Variants in EML1 observed in about 807,000 individuals in gnomAD.
EML1 encodes the protein EMAP like 1, also known as echinoderm microtubule-associated protein-like 1.
EML1 carries 27 observed loss-of-function variants against 110.4 expected under a neutral mutation model. The ratio of observed to expected loss-of-function variants is 0.24; its 90% CI spans 0.18 to 0.34. The LOEUF is 0.34. Among genes scored for constraint, EML1 ranks in the 10% least tolerant of loss-of-function variants. EML1 has a pLI of 1.00. For synonymous variants in EML1, 344 were observed against 385.8 expected, an observed-to-expected ratio of 0.89 and a Z score of 1.27; for missense variants, 741 against 1,030.9, an observed-to-expected ratio of 0.72 and a Z score of 3.85.
chr14:99,847,571 A>T (rs1163143460), intron 1 of EML1, among the ~76,000 whole-genome samples: 2 of 151,998 alleles, frequency 1.3e-5, no homozygotes, highest in African/African-American at 4.8e-5. Context: ...GCTTTTATTT[A>T]TTTTTTTATT....
intron 1 of EML1, among the ~76,000 whole-genome samples, chr14:99,746,438 AG>A (rs1471601196): frequency 2.0e-5 from 3 of 152,166 alleles, no homozygotes; most frequent in Non-Finnish European, 4.4e-5. Context: ...CCCTGAGCCC[AG>A]CTATGTGGCG....
intron 1 of EML1, chr14:99,850,283 C>G: frequency 1.6e-6 from 2 of 1,288,546 alleles, no homozygotes; most frequent in Non-Finnish European, 2.0e-6. Flanking sequence ...CGAAGAAGAT[C>G]ACGGAGAGGT....
chr14:99,818,520 C>A (rs1251767522), intron 1 of EML1, among the ~76,000 whole-genome samples: 1 of 152,134 alleles, frequency 6.6e-6, no homozygotes, highest in African/African-American at 2.4e-5. Context: ...GTGGTGCTTT[C>A]ATAGAGGTGA....
chr14:99,779,218 A>C (rs1426817081), intron 1 of EML1, among the ~76,000 whole-genome samples: 1 of 151,688 alleles, frequency 6.6e-6, no homozygotes, highest in Non-Finnish European at 1.5e-5. Context: ...TATTCTGTGT[A>C]GCTTTGTCTT....
intron 2 of EML1, among the ~76,000 whole-genome samples, chr14:99,859,546 G>A (rs2058964297): frequency 6.6e-6 from 1 of 152,152 alleles, no homozygotes; most frequent in African/African-American, 2.4e-5. Flanking sequence ...AAGGAAAATT[G>A]GACCCAGAGG....
At chr14:99,737,889 G>A (rs1283083899) in intron 1 of EML1, 6 of 1,287,402 alleles carry the variant, frequency 4.7e-6, no homozygotes, top group Non-Finnish European at 6.1e-6. Context: ...TTTACCCGCT[G>A]TGGCTCCGGT....
At chr14:99,739,885 G>A (rs1011682553) in intron 1 of EML1, among the ~76,000 whole-genome samples, 16 of 152,112 alleles carry the variant, frequency 1.1e-4, no homozygotes, top group African/African-American at 3.9e-4. Flanking sequence ...TGTCGGCAGT[G>A]GGAACATTCT....
rs151143492 is a variant in EML1 at position 99,816,090 on chromosome 14, G to A, written c.67+22547G>A. 4.0e-4 allele frequency among the ~76,000 whole-genome samples: 61 copies of A among 152,348 alleles called. No individual in the cohort carries two copies. In the East Asian group the frequency reaches 9.0e-3, roughly 23 times the overall value. The stretch of plus-strand genomic sequence containing the variant: ...TTATTATTGATGTCAAATGTTGTCA[G>A]ATGAAACTCAAGGCATGGCCTGGGG... On this transcript the variant is annotated intron_variant, in intron 1 of 21. Transcript: ENST00000262233.
At chr14:99,817,527 C>T (rs536421271) in intron 1 of EML1, among the ~76,000 whole-genome samples, 1 of 152,318 alleles carries the variant, frequency 6.6e-6, no homozygotes, top group South Asian at 2.1e-4. Context: ...AGCATTAGTG[C>T]AGGTGTCACA....
intron 3 of EML1, among the ~76,000 whole-genome samples, chr14:99,877,362 G>T (rs1419032827): frequency 2.0e-5 from 3 of 152,112 alleles, no homozygotes; most frequent in African/African-American, 7.2e-5. Context: ...ACAGTCCATA[G>T]TGTGCTCTAA....
At chr14:99,804,931 G>T (rs895628398) in intron 1 of EML1, among the ~76,000 whole-genome samples, 1 of 152,154 alleles carries the variant, frequency 6.6e-6, no homozygotes, top group African/African-American at 2.4e-5. Context: ...TTTCCTCCCA[G>T]GGCCCTGGAT....
At chr14:99,880,905 A>G (rs895528430) in intron 4 of EML1, among the ~76,000 whole-genome samples, 1 of 152,226 alleles carries the variant, frequency 6.6e-6, no homozygotes, top group African/African-American at 2.4e-5. Flanking sequence ...GTTCTTATAA[A>G]GACAGGCTTG....
rs1215486320 is a variant in EML1 at position 99,905,641 on chromosome 14, A to T, written c.1009-1997A>T. On this transcript the variant is annotated intron_variant, in intron 9 of 21. Coordinates refer to ENST00000262233, the MANE Select transcript of EML1 (RefSeq NM_004434.3). The surrounding 1 kb of genome is among the most constrained non-coding windows in gnomAD (Gnocchi z 4.1). ...GATCTTGTACATGCCTAATTCTGTCACCCTTAGCCATCAGCAAAGAGTGCA... is the reference window on the plus strand; with the variant it reads ...GATCTTGTACATGCCTAATTCTGTCTCCCTTAGCCATCAGCAAAGAGTGCA... Among the ~76,000 whole-genome samples, 3 of 152,168 alleles carry T rather than the reference A, an allele frequency of 2.0e-5. No individual in the cohort carries two copies. Among genetic ancestry groups the T allele is most frequent in the African/African-American group, 7.2e-5 (3 of 41,430 alleles).
At chr14:99,823,760 G>A (rs941330252) in intron 1 of EML1, among the ~76,000 whole-genome samples, 2 of 152,076 alleles carry the variant, frequency 1.3e-5, no homozygotes, top group Non-Finnish European at 2.9e-5. Flanking sequence ...GGAGGGTTGA[G>A]TATGGTGAAG....
chr14:99,803,852 G>T (rs1451115272), intron 1 of EML1, among the ~76,000 whole-genome samples: 2 of 152,226 alleles, frequency 1.3e-5, no homozygotes, highest in African/African-American at 4.8e-5. Flanking sequence ...TTATACTGCA[G>T]CATTACTGTG....
intron 3 of EML1, among the ~76,000 whole-genome samples, chr14:99,877,977 T>C (rs1426900639): frequency 6.6e-6 from 1 of 152,216 alleles, no homozygotes; most frequent in Admixed American, 6.5e-5. Context: ...CCCATGGGCC[T>C]TGTGTGGCTC....
Position 99,890,481 on chromosome 14 carries a change from C to A in EML1, c.519-718C>A, listed in dbSNP as rs559540986. Among the ~76,000 whole-genome samples the A allele has an allele frequency of 7.3e-3, 1,108 of 152,274 alleles. 9 individuals are homozygous for A. Among genetic ancestry groups the A allele is most frequent in the African/African-American group, 0.025 (1,041 of 41,560 alleles). ...GTGGCGGCCGCCTCTCCTTCTGCCC[C>A]CAGGGTCCCCTCGTGGAAGTTTCTC... is the stretch of plus-strand genomic sequence containing the variant. On this transcript the variant is annotated intron_variant, in intron 4 of 21. Coordinates refer to ENST00000262233, the MANE Select transcript of EML1 (RefSeq NM_004434.3).
At chr14:99,841,517 A>G (rs2058633336) in intron 1 of EML1, among the ~76,000 whole-genome samples, 1 of 152,170 alleles carries the variant, frequency 6.6e-6, no homozygotes, top group Admixed American at 6.5e-5. Flanking sequence ...TGAATCCCAA[A>G]TCAGTGCTCT....
chr14:99,750,926 C>T (rs1425315010), intron 1 of EML1, among the ~76,000 whole-genome samples: 1 of 152,124 alleles, frequency 6.6e-6, no homozygotes, highest in Non-Finnish European at 1.5e-5. Context: ...GGCTCAGAGA[C>T]GATGCTCCAC....
Sources: gnomAD v4.1 joint callset for allele counts (sites outside exome capture counted in the v4.1 genomes callset) on GRCh38, gnomAD v4.1.1 for gene constraint, Gnocchi (gnomAD v3.1) non-coding constraint, MANE v1.5 for transcripts, NCBI Gene and HGNC (gene_info 2026-07-23, HGNC 2026-07-21) for gene names.